GFRAL: variants seen among roughly 807,000 people sequenced by gnomAD.
The protein encoded by GFRAL is GDNF family receptor alpha like, also known as GDNF family receptor alpha-like.
A neutral mutation model predicts 45.4 loss-of-function variants in GFRAL; 36 were observed. The observed-to-expected ratio is 0.79, with a 90% CI of 0.61 to 1.05. The LOEUF (loss-of-function observed/expected upper bound fraction) is 1.05, where lower values mean the gene tolerates loss of function less well. Among genes scored for constraint, GFRAL ranks in the 50% least tolerant of loss-of-function variants. GFRAL has a pLI of 0.00. For synonymous variants in GFRAL, 166 were observed against 154.1 expected (o/e 1.08, Z -0.57); for missense variants, 507 against 467.5 (o/e 1.08, Z -0.78).
chr6:55,364,183 G>A (rs1328091994), intron 6 of GFRAL, among the ~76,000 whole-genome samples: 2 of 150,948 alleles, frequency 1.3e-5, no homozygotes, highest in Non-Finnish European at 1.5e-5. Context: ...TTTCTCTGAC[G>A]GCCAGTGATG....
intron 6 of GFRAL, among the ~76,000 whole-genome samples, chr6:55,382,879 A>G (rs1343465925): frequency 6.6e-6 from 1 of 152,020 alleles, no homozygotes; most frequent in Non-Finnish European, 1.5e-5. Flanking sequence ...TATCTGAAAC[A>G]TAGTAAAACT....
In GFRAL at chr6:55,358,890, G is replaced by A. The variant is rs201443192; in HGVS notation, c.704G>A (p.Arg235Lys). Reference sequence around the variant, plus strand: ...ATTTTTCTTCACTCTTTCTCTAGGAGGCACTATAGAACATTTCAGTCAAAA... The same window carrying A: ...ATTTTTCTTCACTCTTTCTCTAGGAAGCACTATAGAACATTTCAGTCAAAA... ...RSCQNDELCR[R>K]HYRTFQSKCW... is the part of the protein sequence containing the mutation. Residue 235 changes from arginine to lysine, a missense_variant and splice_region_variant, in exon 6 of 9, where the codon AGG (arginine) becomes AAG (lysine). Arg to Lys is a conservative substitution (Grantham distance 26). Transcript: ENST00000340465. 3.7e-6 allele frequency: 6 copies of A among 1,611,468 alleles called. No individual in the cohort carries two copies. Among genetic ancestry groups the A allele is most frequent in the African/African-American group, 1.3e-5 (1 of 74,778 alleles).
At chr6:55,351,723 A>AT (rs897739555) in intron 5 of GFRAL, 140 bp downstream of exon 5, 4 of 587,150 alleles carry the variant, frequency 6.8e-6, no homozygotes, top group African/African-American at 3.7e-5. Context: ...GACAATTAAT[A>AT]TTTTTTTGAA....
intron 6 of GFRAL, among the ~76,000 whole-genome samples, chr6:55,359,984 G>A (rs1314656040): frequency 6.6e-6 from 1 of 151,800 alleles, no homozygotes; most frequent in East Asian, 1.9e-4. Flanking sequence ...TTCTCCCCTT[G>A]GTCTTTAACA....
At chr6:55,398,809 G>A (rs927009574) in intron 6 of GFRAL, among the ~76,000 whole-genome samples, 1 of 152,144 alleles carries the variant, frequency 6.6e-6, no homozygotes. Context: ...TCTGAGTGCA[G>A]AGGTACATTA....
intron 3 of GFRAL, among the ~76,000 whole-genome samples, chr6:55,346,988 C>G (rs7751535): frequency 6.6e-6 from 1 of 152,064 alleles, no homozygotes; most frequent in South Asian, 2.1e-4. Flanking sequence ...GATAGTGTGA[C>G]TTTTCTGTGA....
At chr6:55,367,848 G>C (rs1288821875) in intron 6 of GFRAL, among the ~76,000 whole-genome samples, 1 of 151,746 alleles carries the variant, frequency 6.6e-6, no homozygotes, top group Non-Finnish European at 1.5e-5. Context: ...AGGGTAACCC[G>C]ACCTTTCTCT....
intron 6 of GFRAL, among the ~76,000 whole-genome samples, chr6:55,386,686 C>A (rs1768685289): frequency 6.6e-6 from 1 of 152,064 alleles, no homozygotes; most frequent in African/African-American, 2.4e-5. Context: ...TATCTTAGGA[C>A]CTTTCAAAAT....
chr6:55,355,828 C>G (rs1224954917), intron 5 of GFRAL, among the ~76,000 whole-genome samples: 1 of 151,868 alleles, frequency 6.6e-6, no homozygotes, highest in Non-Finnish European at 1.5e-5. Context: ...TTCAGTTTTT[C>G]CCCATTTTAT....
chr6:55,346,085 T>G (rs1278136336), intron 3 of GFRAL, among the ~76,000 whole-genome samples: 1 of 152,186 alleles, frequency 6.6e-6, no homozygotes, highest in Admixed American at 6.5e-5. Flanking sequence ...ACTTTTACAC[T>G]GTTGGTGGGA....
At chr6:55,364,520 A>G (rs900490052) in intron 6 of GFRAL, among the ~76,000 whole-genome samples, 6 of 144,880 alleles carry the variant, frequency 4.1e-5, no homozygotes, top group South Asian at 4.3e-4. Context: ...GCCCATGCCT[A>G]TGTCCTGAAT....
At chr6:55,370,830 C>A (rs1309124011) in intron 6 of GFRAL, among the ~76,000 whole-genome samples, 1 of 152,160 alleles carries the variant, frequency 6.6e-6, no homozygotes, top group Non-Finnish European at 1.5e-5. Flanking sequence ...TAATAATTTT[C>A]TTTTGCTTTT....
At chr6:55,332,159 C>T (rs932028130) in intron 2 of GFRAL, among the ~76,000 whole-genome samples, 2 of 151,782 alleles carry the variant, frequency 1.3e-5, no homozygotes, top group East Asian at 3.9e-4. Flanking sequence ...TATTTTTTTT[C>T]AAATAAAAGG....
intron 6 of GFRAL, among the ~76,000 whole-genome samples, chr6:55,380,708 G>T (rs1468514634): frequency 6.6e-6 from 1 of 151,938 alleles, no homozygotes; most frequent in African/African-American, 2.4e-5. Flanking sequence ...AAGGTGGCCT[G>T]CTTCACTCCA....
At chr6:55,376,059 T>A (rs995699323) in intron 6 of GFRAL, among the ~76,000 whole-genome samples, 1 of 152,156 alleles carries the variant, frequency 6.6e-6, no homozygotes, top group Admixed American at 6.6e-5. Flanking sequence ...TGAGAGTTTT[T>A]AACATGAAGC....
At chr6:55,393,995 C>T (rs1244454360) in intron 6 of GFRAL, among the ~76,000 whole-genome samples, 3 of 152,188 alleles carry the variant, frequency 2.0e-5, no homozygotes, top group Middle Eastern at 3.4e-3. Context: ...TAGTTCAGTG[C>T]AGTTTGCAAT....
intron 6 of GFRAL, among the ~76,000 whole-genome samples, chr6:55,394,613 G>A (rs1191459617): frequency 6.6e-6 from 1 of 152,128 alleles, no homozygotes; most frequent in South Asian, 2.1e-4. Flanking sequence ...AAAGGTGGAA[G>A]GTAGTTGTCA....
At chr6:55,335,980 T>C (rs143693704) in intron 3 of GFRAL, among the ~76,000 whole-genome samples, 22 of 152,266 alleles carry the variant, frequency 1.4e-4, no homozygotes, top group African/African-American at 5.3e-4. Context: ...GGTCTTATTC[T>C]GCCACCCAGG....
At chr6:55,331,879 T>G in intron 2 of GFRAL, 30 bp downstream of exon 2, 1 of 1,580,924 alleles carries the variant, frequency 6.3e-7, no homozygotes, top group Non-Finnish European at 8.6e-7. Context: ...TACACTCAAA[T>G]GATTTATTTT....
Sources: gnomAD v4.1 joint callset for allele counts (sites outside exome capture counted in the v4.1 genomes callset) on GRCh38, gnomAD v4.1.1 for gene constraint, MANE v1.5 for transcripts, NCBI Gene and HGNC (gene_info 2026-07-23, HGNC 2026-07-21) for gene names.